The following ZAN variants were observed in gnomAD, a reference collection of about 807,000 sequenced individuals.
ZAN encodes the protein zonadhesin (gene/pseudogene).
In ZAN, 260 loss-of-function variants were observed where a neutral mutation model predicts 286.2. The ratio of observed to expected loss-of-function variants is 0.91; its 90% CI spans 0.82 to 1.01. The LOEUF (loss-of-function observed/expected upper bound fraction) is 1.01, where lower values mean the gene tolerates loss of function less well. ZAN is among the 50% of genes least tolerant of loss of function. The pLI, the probability that ZAN is intolerant of heterozygous loss-of-function variation, is 0.00. For synonymous variants in ZAN, 1,368 were observed against 1,417.5 expected (o/e 0.97, Z 0.79); for missense variants, 3,410 against 3,639.2 (o/e 0.94, Z 1.62).
chr7:100,754,032 T>A (rs1808976953), intron 14 of ZAN, among the ~76,000 whole-genome samples: 1 of 152,092 alleles, frequency 6.6e-6, no homozygotes, highest in African/African-American at 2.4e-5. Context: ...ATCCATGGAT[T>A]TGCCAGTTCT....
rs1188013846 is a variant in ZAN, at chr7:100,767,227, C to T, written c.4830C>T (p.Ser1610=). 6.2e-7 allele frequency: 1 copy of T among 1,612,222 alleles called. No homozygotes were observed. Among genetic ancestry groups the T allele is most frequent in the African/African-American group, 1.3e-5 (1 of 74,872 alleles). The change falls in exon 25 of 48, where the codon AGC becomes AGT. Residue 1610 remains serine (S), a synonymous_variant. Transcript: ENST00000613979. ...TCCACGTGACAGTCTTTGACCTCAG[C>T]ATCTCACTGCTCAGAGGCTGTAAGG... is the stretch of plus-strand genomic sequence containing the variant. ...KAVHVTVFDL[S]ISLLRGCKVM...
At chr7:100,788,282 G>A (rs1811708510) in intron 38 of ZAN, 146 bp downstream of exon 38, 2 of 1,196,250 alleles carry the variant, frequency 1.7e-6, no homozygotes, top group Admixed American at 7.1e-5. Flanking sequence ...AGGACGCAGT[G>A]GTTCACGCCT....
At chr7:100,780,278 A>T (rs1401648588) in intron 35 of ZAN, among the ~76,000 whole-genome samples, 1 of 152,172 alleles carries the variant, frequency 6.6e-6, no homozygotes, top group Non-Finnish European at 1.5e-5. Context: ...TTTACAATTT[A>T]AAACAGGAAT....
At chr7:100,767,346 T>C in intron 25 of ZAN, 89 bp downstream of exon 25, 1 of 1,528,792 alleles carries the variant, frequency 6.5e-7, no homozygotes, top group East Asian at 2.3e-5. Context: ...TGCCCACCTC[T>C]CTGGCTCCTT....
chr7:100,784,942 C>G, intron 36 of ZAN, 108 bp downstream of exon 36: 2 of 1,296,416 alleles, frequency 1.5e-6, no homozygotes, highest in Non-Finnish European at 2.1e-6. Flanking sequence ...ACAGCTGGCC[C>G]GGGGGTGTGA....
Position 100,735,646 on chromosome 7 carries a change from TCA to T in ZAN, c.54-71_54-70del. On this transcript the variant is annotated intron_variant, in intron 2 of 47. Coordinates refer to ENST00000613979, the MANE Select transcript of ZAN (RefSeq NM_003386.3). Reference sequence around the variant, plus strand: ...ATCCTTACGTGACCACTCAGAAAGCTCACAGTCACTGAATCTTATAATTCTTG... The same window carrying T: ...ATCCTTACGTGACCACTCAGAAAGCTCAGTCACTGAATCTTATAATTCTTG... 8.6e-6 allele frequency: 10 copies of T among 1,157,082 alleles called. 1 individual carries two copies. The South Asian group carries it at 1.2e-4, about 14-fold the overall frequency. The allele number at this position is 1,157,082 out of a possible 1,614,324, so 71.7% of individuals were successfully genotyped here. A position where few individuals can be genotyped will look rare whatever the true frequency, so the allele number is the denominator to read the frequency against.
intron 28 of ZAN, 133 bp downstream of exon 28, chr7:100,770,107 GGGCC>G: frequency 2.5e-6 from 2 of 787,712 alleles, no homozygotes; most frequent in Admixed American, 2.6e-5. Flanking sequence ...TGGGAACACA[GGGCC>G]AGCCAGCAGT....
At chr7:100,746,752 A>T in intron 8 of ZAN, 50 bp downstream of exon 8, 1 of 1,594,894 alleles carries the variant, frequency 6.3e-7, no homozygotes, top group Admixed American at 1.7e-5. Flanking sequence ...CGCATCTCCC[A>T]GGGTTGGCTT....
intron 28 of ZAN, 93 bp from the exon 29 acceptor site, chr7:100,771,751 T>A: frequency 7.3e-7 from 1 of 1,375,368 alleles, no homozygotes; most frequent in East Asian, 2.4e-5. Context: ...AGGTTTTGAC[T>A]GAAGTGGATG....
chr7:100,737,418 G>A (rs1807393498), intron 6 of ZAN, 69 bp downstream of exon 6: 3 of 1,169,392 alleles, frequency 2.6e-6, no homozygotes, highest in East Asian at 5.3e-5. Flanking sequence ...AACAAGAAGA[G>A]GATCCAGGGC....
rs747572330 is a variant in ZAN, at chr7:100,797,465, G to A, written c.8366G>A (p.Arg2789Lys). The A allele has an allele frequency of 6.2e-7, 1 of 1,614,030 alleles. No individual in the cohort carries two copies. Among genetic ancestry groups the A allele is most frequent in the Non-Finnish European group, 8.5e-7 (1 of 1,179,896 alleles). Residue 2789 changes from arginine (R) to lysine (K), a missense_variant and splice_region_variant, in exon 46 of 48, where the codon AGA (arginine) becomes AAA (lysine). Physicochemically the swap from Arg to Lys is conservative, Grantham distance 26 (BLOSUM62 2). Transcript: ENST00000613979. ...RECIYRTRRK[R>K]EKTQEGDRLA... ...TGCATTTACAGAACGAGGAGGAAGA[G>A]GTGAGTCCTGGGAAGGAGAGAGGAA...
chr7:100,754,323 G>C (rs973713863), intron 14 of ZAN, among the ~76,000 whole-genome samples: 3 of 151,752 alleles, frequency 2.0e-5, no homozygotes, highest in Non-Finnish European at 2.9e-5. Context: ...GCTGAGCGTG[G>C]TGGTGGGTGC....
At position 100,775,475 on chromosome 7, in the gene ZAN, A is replaced by G; in HGVS notation, c.5927A>G (p.His1976Arg). Residue 1976 changes from histidine to arginine, a missense_variant, in exon 32 of 48, where the codon CAT (histidine) becomes CGT (arginine). Around this residue, in one of 7 missense-constraint regions of ZAN, gnomAD observed 1,289 missense variants for 1,314.3 expected, o/e 0.98. Transcript: ENST00000613979. The part of the protein sequence containing the change: ...ALPFFKISAK[H>R]EKEEGGTEAF... The stretch of plus-strand genomic sequence containing the variant: ...CCCTTCTTCAAGATCAGTGCCAAGC[A>G]TGAGAAGGAGGAAGGTGGAACTGAG... 1 of 1,613,974 alleles carries G rather than the reference A, an allele frequency of 6.2e-7. No individual in the cohort carries two copies. Among genetic ancestry groups the G allele is most frequent in the Non-Finnish European group, 8.5e-7 (1 of 1,179,896 alleles).
In ZAN at chr7:100,797,600, G is replaced by A. The variant is rs752543409; in HGVS notation, c.8390G>A (p.Arg2797Lys). 1 of 1,613,922 alleles carries A rather than the reference G, an allele frequency of 6.2e-7. No individual in the cohort carries two copies. The highest frequency in any genetic ancestry group is 8.5e-7 in the Non-Finnish European group (1 of 1,179,886). ...AGAGAGAAAACGCAGGAGGGAGACA[G>A]ACTGGCCAGGCTGGTGGACACAGGT... ...RKREKTQEGD[R>K]LARLVDTDTV... Residue 2797 changes from arginine (R) to lysine (K), a missense_variant, in exon 47 of 48, where the codon AGA (arginine) becomes AAA (lysine). Arg to Lys is a conservative substitution (Grantham distance 26, BLOSUM62 2). Transcript: ENST00000613979.
At chr7:100,768,537 G>A (rs1269105465) in intron 26 of ZAN, 73 bp from the exon 27 acceptor site, 1 of 1,261,886 alleles carries the variant, frequency 7.9e-7, no homozygotes, top group African/African-American at 1.5e-5. Context: ...GAGGGTGCCA[G>A]GAGGATGGTG....
rs569528616 is a variant in ZAN at position 100,737,057 on chromosome 7, G to T, written c.502G>T (p.Ala168Ser). The T allele has an allele frequency of 1.3e-6, 2 of 1,497,188 alleles. No homozygotes were observed. The highest frequency in any genetic ancestry group is 1.2e-5 in the South Asian group (1 of 85,660). The allele number at this position is 1,497,188 out of a possible 1,614,324, so 92.7% of individuals were successfully genotyped here. ...SWMLTTVTVP[A>S]GFTLPTRLMF... ...GATGCTCACCACCGTCACTGTGCCC[G>T]CAGGGTTCACCCTGCCCACCCGGGT... Residue 168 changes from alanine to serine, a missense_variant, in exon 5 of 48, where the codon GCA (alanine) becomes TCA (serine). Ala to Ser is a moderately conservative substitution (Grantham distance 99). Coordinates refer to ENST00000613979, the MANE Select transcript of ZAN (RefSeq NM_003386.3).
At chr7:100,745,562 C>T (rs1181221207) in intron 7 of ZAN, among the ~76,000 whole-genome samples, 1 of 150,060 alleles carries the variant, frequency 6.7e-6, no homozygotes, top group Non-Finnish European at 1.5e-5. Flanking sequence ...CGCCAGTTTG[C>T]GTGAATAGGT....
In ZAN at chr7:100,750,638, C is replaced by G. The variant is rs757682532; in HGVS notation, c.1263C>G (p.Ile421Met). 13 of 1,613,378 alleles carry G rather than the reference C, an allele frequency of 8.1e-6. No homozygotes were observed. Among genetic ancestry groups the G allele is most frequent in the Non-Finnish European group, 1.1e-5 (13 of 1,179,672 alleles). The stretch of plus-strand genomic sequence containing the variant: ...TCCTTTGCCTAGGGGGTCACTATAT[C>G]TACCTTGAGGCTGACGAGTTCTCCC... ...GGFPNAGGHY[I>M]YLEADEFSQA... The change falls in exon 12 of 48, where the codon ATC becomes ATG. Residue 421 changes from isoleucine (I) to methionine (M), a missense_variant. Coordinates refer to ENST00000613979, the MANE Select transcript of ZAN (RefSeq NM_003386.3).
Position 100,765,501 on chromosome 7 carries a change from T to G in ZAN, c.4417T>G (p.Cys1473Gly). Residue 1473 changes from cysteine (C) to glycine (G), a missense_variant, in exon 23 of 48, where the codon TGC (cysteine) becomes GGC (glycine). By Grantham distance (159) the Cys-to-Gly change is radical. Transcript: ENST00000613979. ...NPGFVLSGLE[C>G]IPRSQCGCLH... is the part of the protein sequence containing the mutation. ...GGGCTTCGTCCTCAGTGGCCTCGAGTGCATACCTCGCTCCCAGTGTGGGTG... is the reference window on the plus strand; with the variant it reads ...GGGCTTCGTCCTCAGTGGCCTCGAGGGCATACCTCGCTCCCAGTGTGGGTG... 6.2e-7 allele frequency: 1 copy of G among 1,612,282 alleles called. No homozygotes were observed. The highest frequency in any genetic ancestry group is 8.5e-7 in the Non-Finnish European group (1 of 1,179,258).
Sources: allele counts gnomAD v4.1 joint callset (sites outside exome capture counted in the v4.1 genomes callset), GRCh38; gene constraint gnomAD v4.1.1; regional missense constraint gnomAD v4.1.1; transcripts MANE v1.5; gene names NCBI Gene and HGNC (gene_info 2026-07-23, HGNC 2026-07-21).